The following ASIC1 variants were observed in gnomAD, a reference collection of about 807,000 sequenced individuals.
ASIC1 encodes acid sensing ion channel subunit 1.
A neutral mutation model predicts 63.4 loss-of-function variants in ASIC1; 21 were observed. The observed-to-expected ratio is 0.33, with a 90% CI of 0.23 to 0.48. ASIC1 has a LOEUF of 0.48. ASIC1 is among the 20% of genes least tolerant of loss of function. ASIC1 has a pLI of 0.99. For missense variants in ASIC1, 478 were observed against 695.5 expected (o/e 0.69, Z 3.52); for synonymous variants, 258 against 278.2 (o/e 0.93, Z 0.72).
In ASIC1 at chr12:50,081,643, C is replaced by T. The variant is rs1950721625; in HGVS notation, c.1581C>T (p.Thr527=). 2 of 1,613,918 alleles carry T rather than the reference C, an allele frequency of 1.2e-6. No individual in the cohort carries two copies. Among genetic ancestry groups the T allele is most frequent in the Non-Finnish European group, 1.7e-6 (2 of 1,179,946 alleles). The change falls in exon 12 of 12, where the codon ACC becomes ACT. Residue 527 remains threonine (T), a synonymous_variant. Transcript: ENST00000447966. ...HPARGTFEDF[T]C is the part of the protein sequence containing the mutation. Reference sequence around the variant, plus strand: ...CCCGAGGCACGTTCGAGGACTTTACCTGCTGAGCCCCGCAGGCCGCTGAAC... The same window carrying T: ...CCCGAGGCACGTTCGAGGACTTTACTTGCTGAGCCCCGCAGGCCGCTGAAC...
rs1950740879 is a variant in ASIC1, at chr12:50,083,344, GC to G, written c.*1699del. On this transcript the variant is annotated 3_prime_UTR_variant, in exon 12 of 12. Coordinates refer to ENST00000447966, the MANE Select transcript of ASIC1 (RefSeq NM_001095.4). ...CACCAGACACTCCTTCCAGGCCTGA[GC>G]CCCAACCCCTCTTCAGGCCTTCCTT... The G allele has an allele frequency of 6.6e-6, 1 of 152,304 alleles. No homozygotes were observed. Among genetic ancestry groups the G allele is most frequent in the South Asian group, 2.1e-4 (1 of 4,826 alleles). The allele number at this position is 152,304 out of a possible 1,614,324, so 9.4% of individuals were successfully genotyped here. A position where few individuals can be genotyped will look rare whatever the true frequency, so the allele number is the denominator to read the frequency against.
intron 3 of ASIC1, among the ~76,000 whole-genome samples, chr12:50,068,618 C>T (rs1950568104): frequency 1.3e-5 from 2 of 151,872 alleles, no homozygotes; most frequent in Non-Finnish European, 1.5e-5. Context: ...TCCCACTTAA[C>T]GTCTCTACTT....
In ASIC1 at chr12:50,074,134, G is replaced by T; in HGVS notation, c.559-3079G>T. On this transcript the variant is annotated intron_variant, in intron 3 of 11. Transcript: ENST00000447966. This position sits in a 1 kb window ranked among gnomAD's most constrained non-coding sequence, Gnocchi z 4.2. ...ACCGGGCCCTGAGGCCTTCTCTGGGGAGCCCTTTAACCTGCACCGCTTCTA... is the reference window on the plus strand; with the variant it reads ...ACCGGGCCCTGAGGCCTTCTCTGGGTAGCCCTTTAACCTGCACCGCTTCTA... 1 of 1,535,756 alleles carries T rather than the reference G, an allele frequency of 6.5e-7. No individual in the cohort carries two copies. The highest frequency in any genetic ancestry group is 2.4e-5 in the East Asian group (1 of 40,914).
At chr12:50,076,882 G>T in intron 3 of ASIC1, 1 of 483,084 alleles carries the variant, frequency 2.1e-6, no homozygotes. Flanking sequence ...ACAGAGGGGC[G>T]AGGGCTGGGG....
intron 8 of ASIC1, 191 bp downstream of exon 8, chr12:50,080,246 CTTT>C: frequency 1.2e-6 from 1 of 834,796 alleles, no homozygotes. Flanking sequence ...GGAAGCACCC[CTTT>C]CTCCTCCTTC....
Position 50,078,465 on chromosome 12 carries a change from C to A in ASIC1, c.882C>A (p.Thr294=), listed in dbSNP as rs745427778. Residue 294 remains threonine (T), a synonymous_variant, in exon 6 of 12, where the codon ACC becomes ACA. Transcript: ENST00000447966. The surrounding 1 kb of genome is among the most constrained non-coding windows in gnomAD (Gnocchi z 6.0). ...PPPWGTCKAV[T]MDSDLDFFDS... Reference sequence around the variant, plus strand: ...CCTGGGGCACCTGCAAAGCTGTTACCATGGACTCGGATTTGGATTTCTTCG... The same window carrying A: ...CCTGGGGCACCTGCAAAGCTGTTACAATGGACTCGGATTTGGATTTCTTCG... 6.2e-7 allele frequency: 1 copy of A among 1,614,064 alleles called. No individual in the cohort carries two copies. Among genetic ancestry groups the A allele is most frequent in the Non-Finnish European group, 8.5e-7 (1 of 1,179,982 alleles).
Position 50,074,205 on chromosome 12 carries a change from C to A in ASIC1, c.559-3008C>A. On this transcript the variant is annotated intron_variant, in intron 3 of 11. Coordinates refer to ENST00000447966, the MANE Select transcript of ASIC1 (RefSeq NM_001095.4). The surrounding 1 kb of genome is among the most constrained non-coding windows in gnomAD (Gnocchi z 4.2). ...TGGAGGACATGCTGCTCTATTGCTC[C>A]TACCAAGGGGGACCCTGCGGCCCTC... 6.6e-7 allele frequency: 1 copy of A among 1,518,392 alleles called. No individual in the cohort carries two copies. The highest frequency in any genetic ancestry group is 2.1e-5 in the Admixed American group (1 of 48,338). The allele number at this position is 1,518,392 out of a possible 1,614,324, so 94.1% of individuals were successfully genotyped here.
In ASIC1 at chr12:50,081,737, G is replaced by A. The variant is rs1950722949; in HGVS notation, c.*88G>A. On this transcript the variant is annotated 3_prime_UTR_variant, in exon 12 of 12. Coordinates refer to ENST00000447966, the MANE Select transcript of ASIC1 (RefSeq NM_001095.4). ...AGCTGCCTCCTCACATCTGCCCTGGGGACTCCCCACACTCCGGGGCAGATC... is the reference window on the plus strand; with the variant it reads ...AGCTGCCTCCTCACATCTGCCCTGGAGACTCCCCACACTCCGGGGCAGATC... The A allele has an allele frequency of 1.6e-6, 2 of 1,220,798 alleles. No homozygotes were observed. Among genetic ancestry groups the A allele is most frequent in the East Asian group, 5.0e-5 (2 of 39,748 alleles). The allele number at this position is 1,220,798 out of a possible 1,614,324, so 75.6% of individuals were successfully genotyped here. A position where few individuals can be genotyped will look rare whatever the true frequency, so the allele number is the denominator to read the frequency against.
At chr12:50,071,266 C>CT (rs34556615) in intron 3 of ASIC1, among the ~76,000 whole-genome samples, 36,400 of 119,774 alleles carry the variant, frequency 0.3, 6,941 homozygotes, top group Non-Finnish European at 0.38. Context: ...TTGCTTTCAG[C>CT]TTTTTTTTTT....
Position 50,081,372 on chromosome 12 carries a change from A to G in ASIC1, c.1482+8A>G. On this transcript the variant is annotated splice_region_variant and intron_variant, in intron 11 of 11. Transcript: ENST00000447966. The stretch of plus-strand genomic sequence containing the variant: ...GACGACGTCAAAAGACACGTGAGGG[A>G]GCGAGCGAGGGCGCCCTCCAGCCCG... 1 of 1,584,848 alleles carries G rather than the reference A, an allele frequency of 6.3e-7. No individual in the cohort carries two copies. The highest frequency in any genetic ancestry group is 2.3e-5 in the East Asian group (1 of 43,300).
Position 50,079,976 on chromosome 12 carries a change from C to T in ASIC1, c.1126C>T (p.Leu376=). ...PCNLTRYGKE[L]SMVKIPSKAS... is the part of the protein sequence containing the mutation. ...CAACCTGACCCGCTATGGCAAAGAGCTGTCCATGGTCAAGATCCCCAGCAA... is the reference window on the plus strand; with the variant it reads ...CAACCTGACCCGCTATGGCAAAGAGTTGTCCATGGTCAAGATCCCCAGCAA... Residue 376 remains leucine (L), a synonymous_variant, in exon 8 of 12, where the codon CTG becomes TTG. Coordinates refer to ENST00000447966, the MANE Select transcript of ASIC1 (RefSeq NM_001095.4). 6.2e-7 allele frequency: 1 copy of T among 1,614,120 alleles called. No individual in the cohort carries two copies. Among genetic ancestry groups the T allele is most frequent in the Non-Finnish European group, 8.5e-7 (1 of 1,180,008 alleles).
In ASIC1 at chr12:50,074,989, C is replaced by T. The variant is rs1011492903; in HGVS notation, c.559-2224C>T. 1.3e-5 allele frequency among the ~76,000 whole-genome samples: 2 copies of T among 151,930 alleles called. No homozygotes were observed. Among genetic ancestry groups the T allele is most frequent in the Non-Finnish European group, 2.9e-5 (2 of 67,968 alleles). On this transcript the variant is annotated intron_variant, in intron 3 of 11. Coordinates refer to ENST00000447966, the MANE Select transcript of ASIC1 (RefSeq NM_001095.4). The surrounding 1 kb of genome is among the most constrained non-coding windows in gnomAD (Gnocchi z 4.2). The stretch of plus-strand genomic sequence containing the variant: ...AGGGACCCTCTTCCTAGGGGAAGCT[C>T]TCACTGGGAACTGTCCTTCTGCTTG...
In ASIC1 at chr12:50,080,477, CCT is replaced by C. The variant is rs754336497; in HGVS notation, c.1206-19_1206-18del. The stretch of plus-strand genomic sequence containing the variant: ...AGAGATATGACTTGAACCTAGGTCT[CCT>C]CCCCCAATCCCTGTGCAGGGAGAAC... On this transcript the variant is annotated intron_variant, in intron 8 of 11. Transcript: ENST00000447966. 1 of 1,611,530 alleles carries C rather than the reference CCT, an allele frequency of 6.2e-7. No individual in the cohort carries two copies. Among genetic ancestry groups the C allele is most frequent in the South Asian group, 1.1e-5 (1 of 90,802 alleles).
chr12:50,073,893 C>T, intron 3 of ASIC1: 2 of 1,534,436 alleles, frequency 1.3e-6, no homozygotes, highest in Non-Finnish European at 1.7e-6. Context: ...TGGGTGCCTT[C>T]CTGTGCCAGG....
chr12:50,073,761 T>C (rs747656986), intron 3 of ASIC1: 4 of 1,536,042 alleles, frequency 2.6e-6, no homozygotes, highest in Non-Finnish European at 3.5e-6. Context: ...GTGAGGGGCA[T>C]TCACCCATGG....
Position 50,060,084 on chromosome 12 carries a change from C to T in ASIC1, c.558+130C>T, listed in dbSNP as rs956327806. On this transcript the variant is annotated intron_variant, in intron 3 of 11. Coordinates refer to ENST00000447966, the MANE Select transcript of ASIC1 (RefSeq NM_001095.4). ...AAGTTGTATGTCCTGGGGTTTGCTT[C>T]TAGTAGAAGGGGAGTTTGTTCAGCA... 4 of 1,113,012 alleles carry T rather than the reference C, an allele frequency of 3.6e-6. No homozygotes were observed. In the East Asian group the frequency reaches 1.0e-4, roughly 28 times the overall value. The allele number at this position is 1,113,012 out of a possible 1,614,324, so 68.9% of individuals were successfully genotyped here.
At chr12:50,077,457 CCCGGGCT>C in intron 4 of ASIC1, 94 bp downstream of exon 4, 2 of 1,515,670 alleles carry the variant, frequency 1.3e-6, no homozygotes, top group East Asian at 4.8e-5. Flanking sequence ...CTGGGCAGGG[CCCGGGCT>C]TTCCCCTCTC....
At chr12:50,079,069 C>A (rs1950688131) in intron 7 of ASIC1, 89 bp downstream of exon 7, 1 of 1,296,952 alleles carries the variant, frequency 7.7e-7, no homozygotes, top group Non-Finnish European at 1.1e-6. Flanking sequence ...CTCCCAGAAG[C>A]CTCACATAAC....
chr12:50,073,488 G>T, intron 3 of ASIC1: 1 of 1,428,528 alleles, frequency 7.0e-7, no homozygotes, highest in East Asian at 2.5e-5. Context: ...TGGGTGGCTG[G>T]CTCTGCCGGA....
Sources: gnomAD v4.1 joint callset for allele counts (sites outside exome capture counted in the v4.1 genomes callset) on GRCh38, gnomAD v4.1.1 for gene constraint, Gnocchi (gnomAD v3.1) non-coding constraint, MANE v1.5 for transcripts, NCBI Gene and HGNC (gene_info 2026-07-23, HGNC 2026-07-21) for gene names.